The following NR2C2 variants were observed in gnomAD, a reference collection of about 807,000 sequenced individuals.
NR2C2 encodes nuclear receptor subfamily 2 group C member 2.
In NR2C2, 6 loss-of-function variants were observed where a neutral mutation model predicts 62.9. The ratio of observed to expected loss-of-function variants is 0.10; its 90% confidence interval spans 0.05 to 0.19. NR2C2 has a LOEUF of 0.19. Ranked by LOEUF, NR2C2 falls within the 10% of genes least tolerant of loss-of-function variation. The pLI is 1.00. For synonymous variants in NR2C2, 272 were observed against 273.8 expected (o/e 0.99, Z 0.07); for missense variants, 479 against 762.7 (o/e 0.63, Z 4.38).
At chr3:14,966,543 C>A (rs1339990514) in intron 1 of NR2C2, among the ~76,000 whole-genome samples, 1 of 152,182 alleles carries the variant, frequency 6.6e-6, no homozygotes, top group African/African-American at 2.4e-5. Context: ...GCTATGATGT[C>A]CCTCACTGCA....
chr3:14,991,518 A>G (rs927235474), intron 1 of NR2C2, among the ~76,000 whole-genome samples: 1 of 152,284 alleles, frequency 6.6e-6, no homozygotes, highest in East Asian at 1.9e-4. Flanking sequence ...AGGGTTTTAC[A>G]TTGTTCATGA....
chr3:14,984,328 T>C (rs1257395432), intron 1 of NR2C2, among the ~76,000 whole-genome samples: 1 of 152,230 alleles, frequency 6.6e-6, no homozygotes, highest in Non-Finnish European at 1.5e-5. Context: ...TTTATTATTT[T>C]CTTCCTTCTA....
In NR2C2 at chr3:15,023,343, G is replaced by A; in HGVS notation, c.700G>A (p.Ala234Thr). ...CACGTTTGTGGCAGACAAAGATGGA[G>A]CAAGGTCAGTCCCTTGTTCTCACTG... ...TPTFVADKDG[A>T]RQTGLLDPGM... The change falls in exon 6 of 14, where the codon GCA (alanine) becomes ACA (threonine). Residue 234 changes from alanine to threonine, a missense_variant. Ala to Thr is a moderately conservative substitution (Grantham distance 58, BLOSUM62 0). This residue lies in a region of NR2C2 where 151 missense variants were observed against 176.1 expected (regional missense o/e 0.86). Transcript: ENST00000425241. The A allele has an allele frequency of 1.2e-6, 2 of 1,614,058 alleles. No individual in the cohort carries two copies. The highest frequency in any genetic ancestry group is 8.5e-7 in the Non-Finnish European group (1 of 1,180,002).
chr3:14,950,844 T>C (rs2039334770), intron 1 of NR2C2, among the ~76,000 whole-genome samples: 1 of 151,182 alleles, frequency 6.6e-6, no homozygotes, highest in Non-Finnish European at 1.5e-5. Context: ...TGTACATTGA[T>C]GGATACCTTT....
chr3:14,951,784 G>A (rs926105745), intron 1 of NR2C2, among the ~76,000 whole-genome samples: 1 of 151,850 alleles, frequency 6.6e-6, no homozygotes. Context: ...GTCTCGCTCT[G>A]TCACCCAGGC....
rs1456656431 is a variant in NR2C2, at chr3:15,047,576, G to A, written c.*4568G>A. 1 of 152,236 alleles carries A rather than the reference G, an allele frequency of 6.6e-6. No individual in the cohort carries two copies. Among genetic ancestry groups the A allele is most frequent in the African/African-American group, 2.4e-5 (1 of 41,450 alleles). The allele number at this position is 152,236 out of a possible 1,614,324, so 9.4% of individuals were successfully genotyped here. Reference sequence around the variant, plus strand: ...CGGTCAGAGATTCAGAACGGTCTGTGTCAGTGAGGCCTGACTCCCAAAGAT... The same window carrying A: ...CGGTCAGAGATTCAGAACGGTCTGTATCAGTGAGGCCTGACTCCCAAAGAT... On this transcript the variant is annotated 3_prime_UTR_variant, in exon 14 of 14. Transcript: ENST00000425241.
intron 1 of NR2C2, among the ~76,000 whole-genome samples, chr3:14,989,959 G>T (rs1002490404): frequency 5.4e-5 from 8 of 148,056 alleles, no homozygotes; most frequent in African/African-American, 2.0e-4. Context: ...AAAAATTACT[G>T]GGTGTGGTGG....
At chr3:15,034,411 A>G (rs2042054185) in intron 10 of NR2C2, 3 of 399,616 alleles carry the variant, frequency 7.5e-6, no homozygotes, top group African/African-American at 4.1e-5. Context: ...TGGTTTGGCC[A>G]TACCTATTAA....
intron 1 of NR2C2, among the ~76,000 whole-genome samples, chr3:14,963,382 G>A (rs947932926): frequency 2.0e-5 from 3 of 152,220 alleles, no homozygotes; most frequent in Admixed American, 1.3e-4. Context: ...AGATGCTGAC[G>A]CAGGTCCGTT....
At chr3:15,041,917 C>T (rs1385777612) in intron 13 of NR2C2, among the ~76,000 whole-genome samples, 1 of 152,196 alleles carries the variant, frequency 6.6e-6, no homozygotes, top group African/African-American at 2.4e-5. Flanking sequence ...TGCGTATTCA[C>T]TTCCAGAAAT....
At chr3:15,012,889 AGT>A (rs1284596240) in intron 2 of NR2C2, among the ~76,000 whole-genome samples, 1 of 152,230 alleles carries the variant, frequency 6.6e-6, no homozygotes, top group Admixed American at 6.5e-5. Flanking sequence ...ACTCCTGAAG[AGT>A]GAGAACTCCC....
intron 1 of NR2C2, among the ~76,000 whole-genome samples, chr3:14,966,901 C>A (rs2039872675): frequency 6.6e-6 from 1 of 152,180 alleles, no homozygotes. Flanking sequence ...AGCTGTGTGA[C>A]CTCTCTGTTT....
Position 15,043,054 on chromosome 3 carries a change from C to T in NR2C2, c.*46C>T, listed in dbSNP as rs779093761. 1.5e-5 allele frequency: 23 copies of T among 1,527,810 alleles called. No individual in the cohort carries two copies. The highest frequency in any genetic ancestry group is 8.8e-5 in the South Asian group (7 of 79,286). 94.6% of individuals were successfully genotyped at this position (1,527,810 alleles called of 1,614,324 possible). A position where few individuals can be genotyped will look rare whatever the true frequency, so the allele number is the denominator to read the frequency against. ...AGGAGCAACAGAATCCTTCCAGGAC[C>T]GTTCACATACAAAGAAAAGTAGTGG... On this transcript the variant is annotated 3_prime_UTR_variant, in exon 14 of 14. Transcript: ENST00000425241.
intron 1 of NR2C2, among the ~76,000 whole-genome samples, chr3:14,974,443 G>A (rs2040142197): frequency 6.6e-6 from 1 of 152,160 alleles, no homozygotes; most frequent in Non-Finnish European, 1.5e-5. Context: ...GGTTTTGACA[G>A]GGATTACATT....
rs140252921 is a variant in NR2C2, at chr3:14,994,278, A to G, written c.-39-9598A>G. 3.4e-4 allele frequency among the ~76,000 whole-genome samples: 52 copies of G among 152,160 alleles called. 1 individual carries two copies. The East Asian group carries it at 9.7e-3, about 28-fold the overall frequency. Reference sequence around the variant, plus strand: ...ATTATCACAGAGAAAACATTTCTATATACTCACCACCCAAGTTAAGAACAG... The same window carrying G: ...ATTATCACAGAGAAAACATTTCTATGTACTCACCACCCAAGTTAAGAACAG... On this transcript the variant is annotated intron_variant, in intron 1 of 13. Transcript: ENST00000425241.
intron 1 of NR2C2, among the ~76,000 whole-genome samples, chr3:15,003,035 T>C (rs1460564320): frequency 1.3e-5 from 2 of 150,242 alleles, no homozygotes; most frequent in Admixed American, 6.7e-5. Context: ...AGCCTCCACC[T>C]CCCTGGTTCA....
chr3:14,976,913 C>CT (rs2040222998), intron 1 of NR2C2, among the ~76,000 whole-genome samples: 1 of 152,020 alleles, frequency 6.6e-6, no homozygotes, highest in African/African-American at 2.4e-5. Flanking sequence ...TTGTTAAGAT[C>CT]TTTTCTATTC....
chr3:14,985,812 A>G (rs1342700119), intron 1 of NR2C2, among the ~76,000 whole-genome samples: 1 of 152,220 alleles, frequency 6.6e-6, no homozygotes, highest in African/African-American at 2.4e-5. Context: ...TTTCTCAAGC[A>G]TAAATAGTAC....
rs1195907231 is a variant in NR2C2, at chr3:15,039,245, A to G, written c.1616+18A>G. The G allele has an allele frequency of 1.3e-6, 2 of 1,533,540 alleles. No individual in the cohort carries two copies. Among genetic ancestry groups the G allele is most frequent in the East Asian group, 4.5e-5 (2 of 44,528 alleles). 95.0% of individuals were successfully genotyped at this position (1,533,540 alleles called of 1,614,324 possible). Reference sequence around the variant, plus strand: ...ACCTACCGGTGAGGCATTCAGGCATATGCGCTCTTGCTTGGGGCTGCAAGG... The same window carrying G: ...ACCTACCGGTGAGGCATTCAGGCATGTGCGCTCTTGCTTGGGGCTGCAAGG... On this transcript the variant is annotated intron_variant, in intron 13 of 13. Coordinates refer to ENST00000425241, the MANE Select transcript of NR2C2 (RefSeq NM_001291694.2).
Sources: gnomAD v4.1 joint callset for allele counts (sites outside exome capture counted in the v4.1 genomes callset) on GRCh38, gnomAD v4.1.1 for gene constraint, gnomAD v4.1.1 regional missense constraint, MANE v1.5 for transcripts, NCBI Gene and HGNC (gene_info 2026-07-23, HGNC 2026-07-21) for gene names.